Variants in SELENOF observed in about 807,000 individuals in gnomAD.
SELENOF encodes 15 kDa selenoprotein.
In SELENOF, 16 loss-of-function variants were observed where a neutral mutation model predicts 20.5. The observed-to-expected ratio is 0.78, with a 90% confidence interval of 0.53 to 1.19. The LOEUF (loss-of-function observed/expected upper bound fraction) is 1.19, where lower values mean the gene tolerates loss of function less well. SELENOF is among the 50% of genes most tolerant of loss of function. SELENOF has a pLI of 0.00. For synonymous variants in SELENOF, 78 were observed against 74.5 expected, an observed-to-expected ratio of 1.05 and a Z score of -0.24; for missense variants, 215 against 194.2, an observed-to-expected ratio of 1.11 and a Z score of -0.64.
At chr1:86,891,069 G>A in intron 2 of SELENOF, among the ~76,000 whole-genome samples, 1 of 134,812 alleles carries the variant, frequency 7.4e-6, no homozygotes, top group African/African-American at 2.8e-5. Flanking sequence ...TTTTTTTTTA[G>A]ATGGAGTTTC....
intron 2 of SELENOF, among the ~76,000 whole-genome samples, chr1:86,897,445 G>A (rs909577121): frequency 2.6e-5 from 4 of 152,218 alleles, no homozygotes; most frequent in Admixed American, 1.3e-4. Context: ...TACTGGTGGT[G>A]TGTAAGGTTG....
chr1:86,881,748 A>C (rs900568329), intron 2 of SELENOF, among the ~76,000 whole-genome samples: 1 of 152,190 alleles, frequency 6.6e-6, no homozygotes, highest in Non-Finnish European at 1.5e-5. Flanking sequence ...CTAAAAAGAC[A>C]ATGATTCTTA....
intron 2 of SELENOF, among the ~76,000 whole-genome samples, chr1:86,897,318 A>C (rs1031018238): frequency 3.3e-5 from 5 of 152,174 alleles, no homozygotes; most frequent in African/African-American, 1.2e-4. Flanking sequence ...AAAATCCAAC[A>C]GCATTATTTT....
intron 2 of SELENOF, among the ~76,000 whole-genome samples, chr1:86,899,241 C>T (rs954740869): frequency 2.0e-5 from 3 of 151,420 alleles, no homozygotes; most frequent in Admixed American, 1.3e-4. Context: ...CACCTTTCCC[C>T]GCTTTCTATT....
chr1:86,870,836 G>T (rs986968559), intron 3 of SELENOF, among the ~76,000 whole-genome samples: 1 of 152,064 alleles, frequency 6.6e-6, no homozygotes, highest in Non-Finnish European at 1.5e-5. Context: ...AGCCAGGATG[G>T]TCTCAATCTC....
intron 1 of SELENOF, among the ~76,000 whole-genome samples, chr1:86,913,590 G>C (rs1660047374): frequency 6.6e-6 from 1 of 152,192 alleles, no homozygotes; most frequent in Admixed American, 6.5e-5. Context: ...GAAAATGAGA[G>C]AGCACGCGCG....
At chr1:86,866,903 C>T (rs1057195765) in intron 4 of SELENOF, among the ~76,000 whole-genome samples, 1 of 152,202 alleles carries the variant, frequency 6.6e-6, no homozygotes, top group African/African-American at 2.4e-5. Flanking sequence ...TTTGCAGTTT[C>T]TTACAAAGTT....
chr1:86,887,980 G>T (rs1211969196), intron 2 of SELENOF, among the ~76,000 whole-genome samples: 1 of 152,128 alleles, frequency 6.6e-6, no homozygotes, highest in Admixed American at 6.5e-5. Flanking sequence ...ACTCAAAGCG[G>T]CCAGGCGCGG....
chr1:86,873,701 A>C (rs1570376788), intron 3 of SELENOF, among the ~76,000 whole-genome samples: 1 of 152,108 alleles, frequency 6.6e-6, no homozygotes, highest in East Asian at 1.9e-4. Flanking sequence ...AAATACAAAA[A>C]ATTAGCTGGG....
At chr1:86,882,964 A>C (rs1224066612) in intron 2 of SELENOF, among the ~76,000 whole-genome samples, 1 of 151,882 alleles carries the variant, frequency 6.6e-6, no homozygotes, top group African/African-American at 2.4e-5. Context: ...TGTCTCTACT[A>C]AAAAATACAA....
intron 3 of SELENOF, among the ~76,000 whole-genome samples, chr1:86,869,239 G>A (rs2753281): frequency 3.9e-5 from 6 of 152,088 alleles, no homozygotes; most frequent in Non-Finnish European, 8.8e-5. Context: ...TACACTTCTA[G>A]GACTTTATTC....
intron 1 of SELENOF, among the ~76,000 whole-genome samples, chr1:86,907,998 C>CAA (rs368415232): frequency 3.5e-4 from 49 of 139,688 alleles, no homozygotes; most frequent in Non-Finnish European, 5.4e-4. Context: ...AAAAAAAAAA[C>CAA]AAAAAAAAAA....
chr1:86,901,129 C>T (rs547940308), intron 2 of SELENOF, among the ~76,000 whole-genome samples: 165 of 152,268 alleles, frequency 1.1e-3, no homozygotes, highest in Non-Finnish European at 2.1e-3. Context: ...ATGTAAGGCA[C>T]TAGTCTACAT....
chr1:86,907,732 TCA>T (rs1305713429), intron 1 of SELENOF, among the ~76,000 whole-genome samples: 2 of 152,090 alleles, frequency 1.3e-5, no homozygotes, highest in East Asian at 3.8e-4. Context: ...ATCTATAATC[TCA>T]GTGCTTTGGT....
intron 1 of SELENOF, among the ~76,000 whole-genome samples, chr1:86,905,177 C>A (rs1208247559): frequency 1.3e-5 from 2 of 152,168 alleles, no homozygotes; most frequent in East Asian, 1.9e-4. Context: ...ATATTCTTCA[C>A]CATTCTCACA....
intron 2 of SELENOF, among the ~76,000 whole-genome samples, chr1:86,894,822 G>T (rs147878954): frequency 6.6e-6 from 1 of 152,114 alleles, no homozygotes; most frequent in East Asian, 1.9e-4. Flanking sequence ...GGGTGACAGA[G>T]GGAAACCCTA....
At chr1:86,900,265 G>A (rs1490052463) in intron 2 of SELENOF, among the ~76,000 whole-genome samples, 14 of 151,894 alleles carry the variant, frequency 9.2e-5, no homozygotes, top group African/African-American at 2.9e-4. Context: ...GTAGCGAGCC[G>A]AGATCACGCC....
intron 4 of SELENOF, among the ~76,000 whole-genome samples, chr1:86,866,228 C>CTGTGTGTGTGTG (rs1382340517): frequency 3.8e-5 from 2 of 52,394 alleles, no homozygotes; most frequent in African/African-American, 9.1e-5. Context: ...AAGTGTGTGT[C>CTGTGTGTGTGTG]TCTGTGTGTG....
At chr1:86,869,708 T>TTTCCTTCC (rs60764775) in intron 3 of SELENOF, among the ~76,000 whole-genome samples, 2 of 151,916 alleles carry the variant, frequency 1.3e-5, no homozygotes, top group African/African-American at 4.8e-5. Context: ...TTCTTTCTTC[T>TTTCCTTCC]TTCCTTCCTT....
Sources: gnomAD v4.1 joint callset for allele counts (sites outside exome capture counted in the v4.1 genomes callset) on GRCh38, gnomAD v4.1.1 for gene constraint, MANE v1.5 for transcripts, NCBI Gene and HGNC (gene_info 2026-07-23, HGNC 2026-07-21) for gene names.